KCNIP4: variants seen among roughly 807,000 people sequenced by gnomAD.
KCNIP4 encodes the protein Kv channel-interacting protein 4.
A neutral mutation model predicts 34.0 loss-of-function variants in KCNIP4; 12 were observed. The observed-to-expected ratio is 0.35, with a 90% CI of 0.23 to 0.57. The LOEUF (loss-of-function observed/expected upper bound fraction) is 0.57, where lower values mean the gene tolerates loss of function less well. Ranked by LOEUF, KCNIP4 falls within the 20% of genes least tolerant of loss-of-function variation. KCNIP4 has a pLI of 0.83. For missense variants in KCNIP4, 238 were observed against 311.7 expected (o/e 0.76, Z 1.78); for synonymous variants, 124 against 102.2 (o/e 1.21, Z -1.29).
intron 1 of KCNIP4, among the ~76,000 whole-genome samples, chr4:20,896,680 T>G (rs879586347): frequency 3.3e-5 from 5 of 152,176 alleles, no homozygotes; most frequent in Non-Finnish European, 7.3e-5. Flanking sequence ...AATGAAGACT[T>G]CTGGCCTCCT....
Position 20,729,518 on chromosome 4 carries a change from T to TAAAACTAATTTCTAACA in KCNIP4, c.*547_*563dup, listed in dbSNP as rs1553881657. ...TTTTTAAATGTTTAAAAATGCCAGA[T>TAAAACTAATTTCTAACA]AAAACTAATTTCTAACAGAAGGTGG... On this transcript the variant is annotated 3_prime_UTR_variant, in exon 9 of 9. Coordinates refer to ENST00000382152, the MANE Select transcript of KCNIP4 (RefSeq NM_025221.6). 2.3e-5 allele frequency: 3 copies of TAAAACTAATTTCTAACA among 128,304 alleles called. No individual in the cohort carries two copies. The highest frequency in any genetic ancestry group is 2.2e-4 in the East Asian group (1 of 4,566). The allele number at this position is 128,304 out of a possible 1,614,324, so 7.9% of individuals were successfully genotyped here. A position where few individuals can be genotyped will look rare whatever the true frequency, so the allele number is the denominator to read the frequency against.
chr4:21,901,924 A>G (rs1415973116), intron 1 of KCNIP4, among the ~76,000 whole-genome samples: 3 of 152,174 alleles, frequency 2.0e-5, no homozygotes, highest in East Asian at 3.9e-4. Context: ...CACACCTTCA[A>G]AAAGTGTCAT....
chr4:21,757,724 C>A (rs1577949625), intron 1 of KCNIP4, among the ~76,000 whole-genome samples: 1 of 152,148 alleles, frequency 6.6e-6, no homozygotes, highest in Non-Finnish European at 1.5e-5. Flanking sequence ...TGCCTGCCAC[C>A]CAATCTATGA....
Position 21,107,821 on chromosome 4 carries a change from C to A in KCNIP4, c.62-225112G>T, listed in dbSNP as rs891542514. Among the ~76,000 whole-genome samples, 15 of 151,340 alleles carry A rather than the reference C, an allele frequency of 9.9e-5. 1 individual carries two copies. The highest frequency in any genetic ancestry group is 8.3e-4 in the South Asian group (4 of 4,816). On this transcript the variant is annotated intron_variant, in intron 1 of 8. Transcript: ENST00000382152. ...TGGTGACAAAATCTCTCAGCATTTG[C>A]TTGTCTGTAAAGTATTTTATTTCTC...
chr4:20,935,979 C>T (rs1731017653), intron 1 of KCNIP4, among the ~76,000 whole-genome samples: 1 of 152,134 alleles, frequency 6.6e-6, no homozygotes, highest in Non-Finnish European at 1.5e-5. Context: ...ACTTAACAAT[C>T]CTAATGATAG....
At chr4:21,834,569 T>C (rs995717335) in intron 1 of KCNIP4, among the ~76,000 whole-genome samples, 5 of 152,152 alleles carry the variant, frequency 3.3e-5, no homozygotes, top group Admixed American at 6.6e-5. Context: ...CTTTTCCTAA[T>C]TGAATACCCT....
intron 1 of KCNIP4, among the ~76,000 whole-genome samples, chr4:21,481,454 G>A (rs897095191): frequency 3.3e-5 from 5 of 152,122 alleles, no homozygotes; most frequent in Non-Finnish European, 7.4e-5. Context: ...AGGTGGGGAC[G>A]CTCTGGGTCA....
rs144882110 is a variant in KCNIP4, at chr4:21,616,665, G to A, written c.61+331906C>T. On this transcript the variant is annotated intron_variant, in intron 1 of 8. Transcript: ENST00000382152. ...AGTCTCTGTGGTTTGCTGGCAATCCGAGATTTTTCTCGGCTTGTAGTTGTG... is the reference window on the plus strand; with the variant it reads ...AGTCTCTGTGGTTTGCTGGCAATCCAAGATTTTTCTCGGCTTGTAGTTGTG... 7.2e-5 allele frequency among the ~76,000 whole-genome samples: 11 copies of A among 152,212 alleles called. No homozygotes were observed. In the South Asian group the frequency reaches 1.0e-3, roughly 14 times the overall value.
chr4:20,777,802 A>T (rs1193792476), intron 3 of KCNIP4, among the ~76,000 whole-genome samples: 2 of 152,336 alleles, frequency 1.3e-5, no homozygotes, highest in African/African-American at 4.8e-5. Context: ...AAGTTGGGAA[A>T]CCAGTAATTA....
intron 1 of KCNIP4, among the ~76,000 whole-genome samples, chr4:21,002,329 T>C (rs1364530821): frequency 6.6e-6 from 1 of 152,168 alleles, no homozygotes; most frequent in Non-Finnish European, 1.5e-5. Flanking sequence ...CAAAACAAAC[T>C]GTAATTTTTA....
rs1724786518 is a variant in KCNIP4, at chr4:21,414,599, T to C, written c.62-531890A>G. 3.3e-5 allele frequency among the ~76,000 whole-genome samples: 5 copies of C among 152,246 alleles called. No homozygotes were observed. In the South Asian group the frequency reaches 8.3e-4, roughly 25 times the overall value. On this transcript the variant is annotated intron_variant, in intron 1 of 8. Transcript: ENST00000382152. ...ACTTCTGGGTATTTATCCAAAATAA[T>C]TGAAATAGGATCTTAAAGACATATT...
chr4:21,511,399 T>G (rs946642479), intron 1 of KCNIP4, among the ~76,000 whole-genome samples: 1 of 53,848 alleles, frequency 1.9e-5, no homozygotes, highest in Non-Finnish European at 4.7e-5. Context: ...GTCCTCATTC[T>G]TGGGTTTTAC....
intron 1 of KCNIP4, among the ~76,000 whole-genome samples, chr4:21,439,028 G>A (rs540678686): frequency 1.4e-4 from 22 of 152,152 alleles, no homozygotes; most frequent in African/African-American, 4.3e-4. Context: ...CGGGCGTGGC[G>A]GCGGGCGCCT....
At chr4:21,840,410 T>C (rs1723606082) in intron 1 of KCNIP4, among the ~76,000 whole-genome samples, 1 of 152,152 alleles carries the variant, frequency 6.6e-6, no homozygotes, top group Non-Finnish European at 1.5e-5. Context: ...GTTTCTCTTC[T>C]GTTGTGCCCT....
At chr4:21,863,594 C>T (rs913388736) in intron 1 of KCNIP4, among the ~76,000 whole-genome samples, 3 of 152,060 alleles carry the variant, frequency 2.0e-5, no homozygotes, top group Admixed American at 6.6e-5. Context: ...TGCTAGAATC[C>T]GTCTTACCCA....
intron 1 of KCNIP4, among the ~76,000 whole-genome samples, chr4:21,639,761 A>T (rs1381325184): frequency 6.6e-6 from 1 of 152,172 alleles, no homozygotes. Flanking sequence ...AGAGTATCTT[A>T]TTCTAATTTA....
intron 1 of KCNIP4, among the ~76,000 whole-genome samples, chr4:21,243,208 CTCTT>C (rs1759980306): frequency 6.6e-6 from 1 of 152,092 alleles, no homozygotes; most frequent in African/African-American, 2.4e-5. Context: ...ATAGAGGCCT[CTCTT>C]TATGATACAT....
At chr4:20,854,078 G>A (rs1721324178) in intron 2 of KCNIP4, among the ~76,000 whole-genome samples, 1 of 152,292 alleles carries the variant, frequency 6.6e-6, no homozygotes, top group African/African-American at 2.4e-5. Context: ...GGAAAACAAT[G>A]TGGAGATTCC....
At chr4:21,001,068 A>G (rs1043169170) in intron 1 of KCNIP4, among the ~76,000 whole-genome samples, 3 of 152,310 alleles carry the variant, frequency 2.0e-5, no homozygotes, top group South Asian at 2.1e-4. Context: ...AGCTTTATTC[A>G]TGATTCCCAG....
Sources: gnomAD v4.1 joint callset for allele counts (sites outside exome capture counted in the v4.1 genomes callset) on GRCh38, gnomAD v4.1.1 for gene constraint, MANE v1.5 for transcripts, NCBI Gene and HGNC (gene_info 2026-07-23, HGNC 2026-07-21) for gene names.